CNTLN: variants seen among roughly 807,000 people sequenced by gnomAD.
The protein encoded by CNTLN is centlein.
A neutral mutation model predicts 180.0 loss-of-function variants in CNTLN; 212 were observed. The observed-to-expected ratio is 1.18, with a 90% CI of 1.05 to 1.32. The LOEUF (loss-of-function observed/expected upper bound fraction) is 1.32, where lower values mean the gene tolerates loss of function less well. Ranked by LOEUF, CNTLN falls within the 40% of genes most tolerant of loss-of-function variation. The pLI is 0.00. For missense variants in CNTLN, 2,095 were observed against 1,610.9 expected, an observed-to-expected ratio of 1.30 and a Z score of -5.14; for synonymous variants, 722 against 563.1, an observed-to-expected ratio of 1.28 and a Z score of -3.99.
intron 2 of CNTLN, among the ~76,000 whole-genome samples, chr9:17,175,150 T>C (rs546543090): frequency 2.6e-5 from 4 of 152,296 alleles, no homozygotes; most frequent in African/African-American, 9.6e-5. Context: ...TTTGATGAAG[T>C]CCAATTTTAA....
At position 17,135,175 on chromosome 9, in the gene CNTLN, AG is replaced by A; in HGVS notation, c.112del (p.Ala38ProfsTer52). Reference sequence around the variant, plus strand: ...GCTGAAGTACACGCAATGCGCAGCGAGGCCTCGGGTTTTGCCGGCGCAGCGC... The same window carrying A: ...GCTGAAGTACACGCAATGCGCAGCGAGCCTCGGGTTTTGCCGGCGCAGCGC... ...RGAEVHAMRS[E>X]ASGFAGAARE... On this transcript the variant is annotated frameshift_variant, in exon 1 of 26. Coordinates refer to ENST00000380647, the MANE Select transcript of CNTLN (RefSeq NM_017738.4). LOFTEE classifies it high-confidence loss of function. 1 of 1,610,400 alleles carries A rather than the reference AG, an allele frequency of 6.2e-7. No individual in the cohort carries two copies. The highest frequency in any genetic ancestry group is 8.5e-7 in the Non-Finnish European group (1 of 1,178,922).
At chr9:17,285,403 A>C (rs1377449035) in intron 6 of CNTLN, among the ~76,000 whole-genome samples, 1 of 148,676 alleles carries the variant, frequency 6.7e-6, no homozygotes, top group Non-Finnish European at 1.5e-5. Context: ...CCAGTCTATC[A>C]TTGTTGGACA....
intron 6 of CNTLN, among the ~76,000 whole-genome samples, chr9:17,282,528 C>G (rs898086449): frequency 6.6e-6 from 1 of 152,106 alleles, no homozygotes; most frequent in African/African-American, 2.4e-5. Flanking sequence ...TTCTCCCATT[C>G]TGTAGGTTGC....
chr9:17,307,370 G>A (rs1818791171), intron 7 of CNTLN, among the ~76,000 whole-genome samples: 1 of 152,038 alleles, frequency 6.6e-6, no homozygotes, highest in African/African-American at 2.4e-5. Context: ...CTGGGCTCAA[G>A]TGTTCCTCCC....
At chr9:17,310,251 A>G (rs746496364) in intron 8 of CNTLN, among the ~76,000 whole-genome samples, 2 of 152,100 alleles carry the variant, frequency 1.3e-5, no homozygotes, top group East Asian at 1.9e-4. Flanking sequence ...TATCATTTTG[A>G]TTTTTTTAAA....
intron 18 of CNTLN, among the ~76,000 whole-genome samples, chr9:17,423,349 G>A (rs1054330275): frequency 4.6e-5 from 7 of 152,120 alleles, no homozygotes; most frequent in East Asian, 1.9e-4. Flanking sequence ...TAGAAATGCC[G>A]TACAGGAGCT....
intron 8 of CNTLN, among the ~76,000 whole-genome samples, chr9:17,328,144 T>G (rs1203415181): frequency 6.6e-6 from 1 of 152,192 alleles, no homozygotes; most frequent in African/African-American, 2.4e-5. Context: ...TACCCTTTTG[T>G]ACCCTACTTT....
chr9:17,369,989 A>G (rs929321726), intron 13 of CNTLN, among the ~76,000 whole-genome samples: 1 of 151,574 alleles, frequency 6.6e-6, no homozygotes, highest in Non-Finnish European at 1.5e-5. Flanking sequence ...CCATCTCGAA[A>G]AAAAAAAAAA....
At chr9:17,165,079 C>A (rs148680949) in intron 2 of CNTLN, among the ~76,000 whole-genome samples, 25 of 151,976 alleles carry the variant, frequency 1.6e-4, no homozygotes, top group African/African-American at 6.0e-4. Flanking sequence ...ACCTCGTGAT[C>A]CATCCTCCTT....
chr9:17,468,134 A>G (rs1312422081), intron 23 of CNTLN, among the ~76,000 whole-genome samples: 3 of 151,658 alleles, frequency 2.0e-5, no homozygotes, highest in Non-Finnish European at 3.0e-5. Context: ...GTGAACTAAC[A>G]CACAAAGGAA....
chr9:17,244,530 T>C (rs1825690776), intron 5 of CNTLN, among the ~76,000 whole-genome samples: 1 of 152,184 alleles, frequency 6.6e-6, no homozygotes, highest in Admixed American at 6.5e-5. Flanking sequence ...CTGAAGTTTC[T>C]TGTAGGCAAC....
chr9:17,189,398 C>T (rs899084870), intron 2 of CNTLN, among the ~76,000 whole-genome samples: 1 of 150,814 alleles, frequency 6.6e-6, no homozygotes, highest in Admixed American at 6.6e-5. Flanking sequence ...TAGTTTTAAA[C>T]TTCATTAGTG....
At chr9:17,192,814 A>G (rs1225613045) in intron 2 of CNTLN, among the ~76,000 whole-genome samples, 1 of 152,208 alleles carries the variant, frequency 6.6e-6, no homozygotes, top group African/African-American at 2.4e-5. Context: ...AAAATCTTCT[A>G]TTAATAAATT....
At chr9:17,520,721 C>G in the CNTLN span, among the ~76,000 whole-genome samples, 14 of 152,164 alleles carry the variant, frequency 9.2e-5, no homozygotes, top group Non-Finnish European at 1.5e-5. Flanking sequence ...GTAAGTTGCT[C>G]TGTTAAGAGC....
chr9:17,381,413 A>G (rs1825245016), intron 13 of CNTLN, among the ~76,000 whole-genome samples: 1 of 152,124 alleles, frequency 6.6e-6, no homozygotes, highest in African/African-American at 2.4e-5. Context: ...CTGCACTGAC[A>G]CCTCCTCACT....
chr9:17,384,099 G>A (rs951318964), intron 13 of CNTLN, among the ~76,000 whole-genome samples: 11 of 152,062 alleles, frequency 7.2e-5, no homozygotes, highest in Admixed American at 1.3e-4. Flanking sequence ...TTAAGGAATA[G>A]CATAAAATAA....
chr9:17,522,661 C>T, the CNTLN span, among the ~76,000 whole-genome samples: 3 of 151,846 alleles, frequency 2.0e-5, no homozygotes, highest in African/African-American at 4.8e-5. Flanking sequence ...GAAAGTCGGC[C>T]TGCCTTCCCT....
intron 12 of CNTLN, among the ~76,000 whole-genome samples, chr9:17,354,920 A>C (rs923610106): frequency 3.3e-5 from 5 of 152,036 alleles, no homozygotes; most frequent in South Asian, 4.2e-4. Context: ...GCCCAGCGAG[A>C]CCACGAGCCC....
intron 25 of CNTLN, among the ~76,000 whole-genome samples, chr9:17,489,062 G>A (rs1833019981): frequency 6.6e-6 from 1 of 151,956 alleles, no homozygotes; most frequent in Admixed American, 6.6e-5. Context: ...GAACAAATAG[G>A]TACTTCATTG....
Sources: allele counts gnomAD v4.1 joint callset (sites outside exome capture counted in the v4.1 genomes callset), GRCh38; gene constraint gnomAD v4.1.1; transcripts MANE v1.5; gene names NCBI Gene and HGNC (gene_info 2026-07-23, HGNC 2026-07-21).